NAMPT: variants seen among roughly 807,000 people sequenced by gnomAD.
NAMPT encodes nicotinamide phosphoribosyltransferase, also known as NAmPRTase.
Under a neutral mutation model 58.7 loss-of-function variants are expected in NAMPT, and 7 were observed. The observed-to-expected ratio is 0.12, with a 90% confidence interval of 0.07 to 0.22. The LOEUF (loss-of-function observed/expected upper bound fraction) is 0.22. NAMPT is among the 10% of genes least tolerant of loss of function. The pLI, the probability that NAMPT is intolerant of heterozygous loss-of-function variation, is 1.00. For missense variants in NAMPT, 271 were observed against 567.9 expected, an observed-to-expected ratio of 0.48 and a Z score of 5.31; for synonymous variants, 145 against 198.1, an observed-to-expected ratio of 0.73 and a Z score of 2.25.
intron 4 of NAMPT, among the ~76,000 whole-genome samples, chr7:106,271,222 A>T (rs1325157814): frequency 6.6e-6 from 1 of 152,164 alleles, no homozygotes; most frequent in Non-Finnish European, 1.5e-5. Flanking sequence ...GGTTTATCTT[A>T]TACATTTTTC....
chr7:106,269,542 G>T (rs559612035), intron 4 of NAMPT, among the ~76,000 whole-genome samples: 2 of 152,266 alleles, frequency 1.3e-5, no homozygotes, highest in South Asian at 4.1e-4. Context: ...ACATAGCAGA[G>T]AACTTCACAT....
At chr7:106,258,692 T>C (rs1273931180) in intron 8 of NAMPT, among the ~76,000 whole-genome samples, 1 of 152,254 alleles carries the variant, frequency 6.6e-6, no homozygotes, top group African/African-American at 2.4e-5. Context: ...GTCTATTAAG[T>C]GTGCAATAGC....
At chr7:106,274,577 G>A (rs748047107) in intron 3 of NAMPT, among the ~76,000 whole-genome samples, 10 of 152,030 alleles carry the variant, frequency 6.6e-5, no homozygotes, top group Non-Finnish European at 1.3e-4. Context: ...AATTCTGGCC[G>A]GGGATGGTGG....
At chr7:106,259,498 G>C (rs1342270790) in intron 8 of NAMPT, among the ~76,000 whole-genome samples, 1 of 152,066 alleles carries the variant, frequency 6.6e-6, no homozygotes, top group Non-Finnish European at 1.5e-5. Flanking sequence ...CGTGATCTTG[G>C]CACACTACAG....
Position 106,263,557 on chromosome 7 carries a change from CTG to C in NAMPT, c.802_803del (p.Gln268ValfsTer12). ...EKDAFEHIVT[Q>X]FSSVPVSVVS... ...CCACAGATACAGGCACTGATGAAAA[CTG>C]TGTTACAATATGTTCAAAAGCATCT... On this transcript the variant is annotated frameshift_variant, in exon 7 of 11. Transcript: ENST00000222553. LOFTEE classifies it high-confidence loss of function. 2 of 1,613,552 alleles carry C rather than the reference CTG, an allele frequency of 1.2e-6. No homozygotes were observed. The highest frequency in any genetic ancestry group is 1.7e-6 in the Non-Finnish European group (2 of 1,179,556).
rs1562815992 is a variant in NAMPT, at chr7:106,267,872, A to AAAAAAAAAAAAAC, written c.743+591_743+592insGTTTTTTTTTTTT. ...AAAAAAAAAAAAAAAAAAAAAAAAA[A>AAAAAAAAAAAAAC]AAAACAACCTGATTTACTTTTAATA... On this transcript the variant is annotated intron_variant, in intron 6 of 10. Transcript: ENST00000222553. Among the ~76,000 whole-genome samples, 20 of 136,272 alleles carry AAAAAAAAAAAAAC rather than the reference A, an allele frequency of 1.5e-4. 1 individual carries two copies. Among genetic ancestry groups the AAAAAAAAAAAAAC allele is most frequent in the African/African-American group, 5.5e-4 (19 of 34,524 alleles). The allele number at this position is 136,272 out of a possible 152,430, so 89.4% of individuals were successfully genotyped here. A position where few individuals can be genotyped will look rare whatever the true frequency, so the allele number is the denominator to read the frequency against.
intron 10 of NAMPT, among the ~76,000 whole-genome samples, chr7:106,252,038 CAAATTT>C (rs768021895): frequency 2.0e-5 from 3 of 152,132 alleles, no homozygotes; most frequent in Non-Finnish European, 4.4e-5. Context: ...TTTTCTTTCA[CAAATTT>C]AAATTTAAGG....
chr7:106,258,230 G>A (rs926255159), intron 8 of NAMPT, among the ~76,000 whole-genome samples: 3 of 152,104 alleles, frequency 2.0e-5, no homozygotes, highest in East Asian at 1.9e-4. Context: ...GATCTATTCC[G>A]GACGCCTCAT....
intron 8 of NAMPT, among the ~76,000 whole-genome samples, chr7:106,259,702 G>A (rs1173514680): frequency 2.0e-5 from 3 of 152,068 alleles, no homozygotes; most frequent in African/African-American, 4.8e-5. Context: ...GATTACAGGC[G>A]TGAGCCACCA....
At chr7:106,283,861 C>T (rs76233557) in intron 1 of NAMPT, among the ~76,000 whole-genome samples, 97 of 152,200 alleles carry the variant, frequency 6.4e-4, no homozygotes, top group Non-Finnish European at 1.1e-3. Flanking sequence ...AAAAAAGAAT[C>T]AAAACAAAAA....
At chr7:106,272,427 T>C (rs1586023162) in intron 4 of NAMPT, 103 bp downstream of exon 4, 3 of 1,032,440 alleles carry the variant, frequency 2.9e-6, no homozygotes, top group East Asian at 2.8e-5. Flanking sequence ...AAGTAAATTA[T>C]AGGAGATTAT....
Position 106,263,750 on chromosome 7 carries a change from T to C in NAMPT, c.744-133A>G, listed in dbSNP as rs1036687839. 3.3e-5 allele frequency: 24 copies of C among 717,638 alleles called. No homozygotes were observed. The African/African-American group carries it at 3.7e-4, about 11-fold the overall frequency. 44.5% of individuals were successfully genotyped at this position (717,638 alleles called of 1,614,324 possible). A position where few individuals can be genotyped will look rare whatever the true frequency, so the allele number is the denominator to read the frequency against. On this transcript the variant is annotated intron_variant, in intron 6 of 10. Coordinates refer to ENST00000222553, the MANE Select transcript of NAMPT (RefSeq NM_005746.3). ...AGAGAAGGTGAGTGACTTAGTTTAA[T>C]GAATATACATCGTAAGGCAAATGAA...
chr7:106,285,308 G>T, upstream of NAMPT: 2 of 552,708 alleles, frequency 3.6e-6, no homozygotes, highest in East Asian at 1.2e-4. Flanking sequence ...CGCGTGACCC[G>T]GGCGCTTACC....
rs182200484 is a variant in NAMPT, at chr7:106,256,520, C to T, written c.1090-2016G>A. 8.5e-3 allele frequency among the ~76,000 whole-genome samples: 1,295 copies of T among 152,210 alleles called. 27 individuals carry two copies. Among genetic ancestry groups the T allele is most frequent in the Non-Finnish European group, 7.1e-3 (483 of 68,016 alleles). On this transcript the variant is annotated intron_variant, in intron 8 of 10. Coordinates refer to ENST00000222553, the MANE Select transcript of NAMPT (RefSeq NM_005746.3). ...TGCTTCTAAGAACATATTTTTCATA[C>T]CAATGAATGTAAAGAAATTACAAGT...
At chr7:106,279,175 T>G (rs1447868174) in intron 1 of NAMPT, among the ~76,000 whole-genome samples, 1 of 152,178 alleles carries the variant, frequency 6.6e-6, no homozygotes, top group Non-Finnish European at 1.5e-5. Context: ...AACCTACCTT[T>G]ACTTAGAATG....
intron 3 of NAMPT, among the ~76,000 whole-genome samples, chr7:106,274,463 CTATAA>C (rs1269246690): frequency 3.9e-5 from 6 of 151,962 alleles, no homozygotes; most frequent in East Asian, 3.9e-4. Context: ...GATATATTGG[CTATAA>C]TATAACTTTT....
At chr7:106,261,757 G>A (rs1321144942) in intron 7 of NAMPT, 50 bp from the exon 8 acceptor site, 3 of 1,535,756 alleles carry the variant, frequency 2.0e-6, no homozygotes, top group Non-Finnish European at 2.7e-6. Context: ...CTGAAAACAA[G>A]TATAAGAGCT....
Position 106,250,176 on chromosome 7 carries a change from T to C in NAMPT, c.*907A>G, listed in dbSNP as rs1431632259. 2 of 152,440 alleles carry C rather than the reference T, an allele frequency of 1.3e-5. No individual in the cohort carries two copies. The highest frequency in any genetic ancestry group is 2.9e-5 in the Non-Finnish European group (2 of 67,940). The allele number at this position is 152,440 out of a possible 1,614,324, so 9.4% of individuals were successfully genotyped here. A position where few individuals can be genotyped will look rare whatever the true frequency, so the allele number is the denominator to read the frequency against. On this transcript the variant is annotated 3_prime_UTR_variant, in exon 11 of 11. Coordinates refer to ENST00000222553, the MANE Select transcript of NAMPT (RefSeq NM_005746.3). ...CCAACTATAGAATATGAAAAATAAA[T>C]TCAGAAGTGTAATTACTTTAAAATA... is the stretch of plus-strand genomic sequence containing the variant.
At chr7:106,283,135 A>G (rs2115845937) in intron 1 of NAMPT, among the ~76,000 whole-genome samples, 1 of 152,316 alleles carries the variant, frequency 6.6e-6, no homozygotes, top group East Asian at 1.9e-4. Flanking sequence ...AAAATCTAAG[A>G]TGAAAATATT....
Sources: allele counts gnomAD v4.1 joint callset (sites outside exome capture counted in the v4.1 genomes callset), GRCh38; gene constraint gnomAD v4.1.1; transcripts MANE v1.5; gene names NCBI Gene and HGNC (gene_info 2026-07-23, HGNC 2026-07-21).